PSMB7: variants seen among roughly 807,000 people sequenced by gnomAD.
PSMB7 encodes the protein proteasome 20S subunit beta 7.
A neutral mutation model predicts 28.1 loss-of-function variants in PSMB7; 5 were observed. The ratio of observed to expected loss-of-function variants is 0.18; its 90% confidence interval spans 0.09 to 0.37. The LOEUF is 0.37. Among genes scored for constraint, PSMB7 ranks in the 10% least tolerant of loss-of-function variants. The pLI, the probability that PSMB7 is intolerant of heterozygous loss-of-function variation, is 1.00. For missense variants in PSMB7, 275 were observed against 346.2 expected (o/e 0.79, Z 1.63); for synonymous variants, 122 against 123.7 (o/e 0.99, Z 0.09).
chr9:124,356,630 G>A lies in PSMB7; in HGVS notation c.722+134C>T. On this transcript the variant is annotated intron_variant, in intron 7 of 7. Transcript: ENST00000259457. The surrounding 1 kb of genome is among the most constrained non-coding windows in gnomAD (Gnocchi z 4.4). ...CAAGTAACAAGCCGAAGGTCTGTGT[G>A]GGAGGTTGATTTGGGAACACTGGAT... 9.8e-7 allele frequency: 1 copy of A among 1,022,280 alleles called. No homozygotes were observed. The highest frequency in any genetic ancestry group is 2.5e-5 in the Admixed American group (1 of 40,682). The allele number at this position is 1,022,280 out of a possible 1,614,324, so 63.3% of individuals were successfully genotyped here.
At chr9:124,362,582 G>A (rs1213669921) in intron 6 of PSMB7, among the ~76,000 whole-genome samples, 1 of 152,208 alleles carries the variant, frequency 6.6e-6, no homozygotes, top group Non-Finnish European at 1.5e-5. Flanking sequence ...GTGAGGCAGG[G>A]GAGGGTTGGG....
In PSMB7 at chr9:124,400,929, G is replaced by T. The variant is rs531349389; in HGVS notation, c.511+4388C>A. Among the ~76,000 whole-genome samples, 6 of 152,264 alleles carry T rather than the reference G, an allele frequency of 3.9e-5. No homozygotes were observed. In the South Asian group the frequency reaches 1.2e-3, roughly 32 times the overall value. ...TGGTGTAGCCACATAATACAATTCTGTACAGCTTGCTATTATTACAGAAAT... is the reference window on the plus strand; with the variant it reads ...TGGTGTAGCCACATAATACAATTCTTTACAGCTTGCTATTATTACAGAAAT... On this transcript the variant is annotated intron_variant, in intron 5 of 7. Coordinates refer to ENST00000259457, the MANE Select transcript of PSMB7 (RefSeq NM_002799.4).
At chr9:124,385,404 A>G (rs2131162718) in intron 5 of PSMB7, among the ~76,000 whole-genome samples, 1 of 152,376 alleles carries the variant, frequency 6.6e-6, no homozygotes, top group Admixed American at 6.5e-5. Context: ...AGCCATTACA[A>G]ATAAGCGTGG....
chr9:124,365,757 T>TA (rs1266548621), intron 6 of PSMB7, among the ~76,000 whole-genome samples: 2 of 151,710 alleles, frequency 1.3e-5, no homozygotes, highest in African/African-American at 4.8e-5. Flanking sequence ...CTCTATAAAA[T>TA]AAAAGAAATT....
At chr9:124,362,141 T>G (rs1830469962) in intron 6 of PSMB7, among the ~76,000 whole-genome samples, 1 of 152,278 alleles carries the variant, frequency 6.6e-6, no homozygotes, top group Non-Finnish European at 1.5e-5. Context: ...AGCTTTGGAA[T>G]GTGAAAGTTC....
At chr9:124,362,694 C>G (rs1416787980) in intron 6 of PSMB7, among the ~76,000 whole-genome samples, 1 of 47,190 alleles carries the variant, frequency 2.1e-5, no homozygotes, top group Non-Finnish European at 4.2e-5. Flanking sequence ...GTATTGTATT[C>G]TTGAAAAACA....
Position 124,356,930 on chromosome 9 carries a change from G to A in PSMB7, c.571-15C>T, listed in dbSNP as rs748803829. The A allele has an allele frequency of 5.1e-5, 82 of 1,613,708 alleles. No individual in the cohort carries two copies. The highest frequency in any genetic ancestry group is 6.4e-5 in the Non-Finnish European group (76 of 1,179,848). On this transcript the variant is annotated splice_polypyrimidine_tract_variant and intron_variant, in intron 6 of 7. Transcript: ENST00000259457. This position sits in a 1 kb window ranked among gnomAD's most constrained non-coding sequence, Gnocchi z 4.4. ...GCTTCCTCCTCCTGAGAAACAGAAC[G>A]GCGGCAATAATGTCCCCGGCCAAAC...
At chr9:124,359,158 T>C (rs1007932090) in intron 6 of PSMB7, among the ~76,000 whole-genome samples, 4 of 152,242 alleles carry the variant, frequency 2.6e-5, no homozygotes, top group African/African-American at 9.6e-5. Flanking sequence ...TATTTAAGTA[T>C]GAATAAAGGC....
chr9:124,414,083 T>A, intron 2 of PSMB7, 78 bp from the exon 3 acceptor site: 1 of 913,094 alleles, frequency 1.1e-6, no homozygotes. Flanking sequence ...TAGGGAATAC[T>A]ATGTTGGCCA....
At chr9:124,394,708 G>GGCAA (rs1830824037) in intron 5 of PSMB7, among the ~76,000 whole-genome samples, 1 of 152,146 alleles carries the variant, frequency 6.6e-6, no homozygotes. Flanking sequence ...ATTAAGAACT[G>GGCAA]GCAAGGGCTG....
intron 6 of PSMB7, among the ~76,000 whole-genome samples, chr9:124,363,383 CA>C (rs143044914): frequency 0.057 from 8,752 of 152,272 alleles, 397 homozygotes; most frequent in Non-Finnish European, 0.088. Flanking sequence ...TGAAAGAGCT[CA>C]AAAAAGTGTT....
At chr9:124,397,674 A>G (rs1357946169) in intron 5 of PSMB7, among the ~76,000 whole-genome samples, 5 of 152,256 alleles carry the variant, frequency 3.3e-5, no homozygotes, top group Non-Finnish European at 7.3e-5. Context: ...TATTCTTCAT[A>G]ATAAAAAACT....
rs773963014 is a variant in PSMB7, at chr9:124,412,403, C to T, written c.344G>A (p.Arg115His). ...NLELHSLSTG[R>H]LPRVVTANRM... ...ATTGGCTGTCACAACTCTGGGAAGA[C>T]GGCCAGTGGAGAGGGAGTGGAGCTC... The change falls in exon 4 of 8, where the codon CGT (arginine) becomes CAT (histidine). Residue 115 changes from arginine to histidine, a missense_variant. Physicochemically the swap from Arg to His is conservative, Grantham distance 29. Coordinates refer to ENST00000259457, the MANE Select transcript of PSMB7 (RefSeq NM_002799.4). 37 of 1,613,970 alleles carry T rather than the reference C, an allele frequency of 2.3e-5. No individual in the cohort carries two copies. Among genetic ancestry groups the T allele is most frequent in the Non-Finnish European group, 2.9e-5 (34 of 1,179,988 alleles).
chr9:124,392,273 C>G (rs1257587516), intron 5 of PSMB7, among the ~76,000 whole-genome samples: 1 of 152,236 alleles, frequency 6.6e-6, no homozygotes, highest in Admixed American at 6.5e-5. Flanking sequence ...CTTCAAACAA[C>G]CCATTCCCAG....
At chr9:124,357,014 G>A (rs778497996) in intron 6 of PSMB7, 99 bp from the exon 7 acceptor site, 16 of 1,302,836 alleles carry the variant, frequency 1.2e-5, no homozygotes, top group East Asian at 2.4e-5. Flanking sequence ...GACCTCCCGC[G>A]AGACAGGTGT....
At chr9:124,404,617 C>T (rs1318486089) in intron 5 of PSMB7, among the ~76,000 whole-genome samples, 3 of 152,020 alleles carry the variant, frequency 2.0e-5, no homozygotes, top group South Asian at 2.1e-4. Flanking sequence ...TTTGGGAGGC[C>T]GAGGTGGGCA....
At chr9:124,398,381 G>C (rs1477838616) in intron 5 of PSMB7, 5 of 223,772 alleles carry the variant, frequency 2.2e-5, no homozygotes, top group Non-Finnish European at 5.0e-5. Flanking sequence ...AACAATGGCT[G>C]AAAGAAACTA....
intron 5 of PSMB7, among the ~76,000 whole-genome samples, chr9:124,390,717 C>CAAAGTGCAGGCATT: frequency 6.6e-6 from 1 of 151,920 alleles, no homozygotes; most frequent in East Asian, 1.9e-4. Context: ...AATTTTTCTT[C>CAAAGTGCAGGCATT]AAAGTGCAGG....
chr9:124,394,534 G>A (rs1197648723), intron 5 of PSMB7, among the ~76,000 whole-genome samples: 1 of 152,146 alleles, frequency 6.6e-6, no homozygotes, highest in African/African-American at 2.4e-5. Context: ...GTTGTAGGCT[G>A]AGGACAATTC....
Sources: allele counts gnomAD v4.1 joint callset (sites outside exome capture counted in the v4.1 genomes callset), GRCh38; gene constraint gnomAD v4.1.1; non-coding constraint Gnocchi (gnomAD v3.1); transcripts MANE v1.5; gene names NCBI Gene and HGNC (gene_info 2026-07-23, HGNC 2026-07-21).